SMOC2: variants seen among roughly 807,000 people sequenced by gnomAD.
The protein encoded by SMOC2 is SPARC-related modular calcium-binding protein 2.
In SMOC2, 39 loss-of-function variants were observed where a neutral mutation model predicts 61.4. The ratio of observed to expected loss-of-function variants is 0.64; its 90% confidence interval spans 0.49 to 0.83. SMOC2 has a LOEUF of 0.83. Ranked by LOEUF, SMOC2 falls within the 40% of genes least tolerant of loss-of-function variation. The pLI, the probability that SMOC2 is intolerant of heterozygous loss-of-function variation, is 0.00. For synonymous variants in SMOC2, 247 were observed against 239.9 expected (o/e 1.03, Z -0.27); for missense variants, 556 against 592.9 (o/e 0.94, Z 0.65).
chr6:168,519,238 T>C (rs1783265227), intron 2 of SMOC2, among the ~76,000 whole-genome samples: 1 of 151,956 alleles, frequency 6.6e-6, no homozygotes, highest in Non-Finnish European at 1.5e-5. Flanking sequence ...TATACGTGCA[T>C]GTTTGTGTGT....
At chr6:168,559,821 C>G (rs910502096) in intron 7 of SMOC2, among the ~76,000 whole-genome samples, 2 of 152,220 alleles carry the variant, frequency 1.3e-5, no homozygotes, top group Non-Finnish European at 1.5e-5. Flanking sequence ...GTCCATCCTC[C>G]TTTGTGAAAG....
intron 9 of SMOC2, among the ~76,000 whole-genome samples, chr6:168,612,107 T>A (rs1785887761): frequency 6.6e-6 from 1 of 152,226 alleles, no homozygotes; most frequent in South Asian, 2.1e-4. Context: ...GCCATGTGGT[T>A]TTGCTTATCT....
At chr6:168,546,378 C>G (rs1268702352) in intron 5 of SMOC2, among the ~76,000 whole-genome samples, 2 of 152,006 alleles carry the variant, frequency 1.3e-5, no homozygotes, top group African/African-American at 4.8e-5. Flanking sequence ...ACCATCCTGC[C>G]AGGTCTCTGA....
At chr6:168,618,071 C>T (rs1786141361) in intron 9 of SMOC2, among the ~76,000 whole-genome samples, 1 of 152,236 alleles carries the variant, frequency 6.6e-6, no homozygotes, top group African/African-American at 2.4e-5. Context: ...TGTCCTATGG[C>T]GTGTTATTAG....
intron 1 of SMOC2, among the ~76,000 whole-genome samples, chr6:168,465,674 C>T (rs113314854): frequency 1.5e-4 from 23 of 149,814 alleles, no homozygotes; most frequent in East Asian, 5.9e-4. Context: ...CTGGATGAAG[C>T]GAGGTGCTGC....
chr6:168,442,307 C>G (rs903016056), intron 1 of SMOC2, among the ~76,000 whole-genome samples: 1 of 152,232 alleles, frequency 6.6e-6, no homozygotes, highest in Non-Finnish European at 1.5e-5. Flanking sequence ...AACTTCTATG[C>G]GACAGCCTTG....
chr6:168,457,775 A>T (rs1361753977), intron 1 of SMOC2, among the ~76,000 whole-genome samples: 1 of 152,006 alleles, frequency 6.6e-6, no homozygotes, highest in Non-Finnish European at 1.5e-5. Flanking sequence ...CAGCTCGGCG[A>T]AGGCCTGGAA....
At chr6:168,610,972 C>T (rs1487337993) in intron 9 of SMOC2, among the ~76,000 whole-genome samples, 1 of 118,074 alleles carries the variant, frequency 8.5e-6, no homozygotes, top group Non-Finnish European at 1.9e-5. Flanking sequence ...TTAAACCAGC[C>T]CTTCCTAAAC....
intron 9 of SMOC2, among the ~76,000 whole-genome samples, chr6:168,641,415 G>A (rs1290646637): frequency 6.6e-6 from 1 of 152,102 alleles, no homozygotes; most frequent in Non-Finnish European, 1.5e-5. Flanking sequence ...CTCCTTGAGG[G>A]CAAAATTGGT....
At chr6:168,514,838 A>C (rs1783093502) in intron 2 of SMOC2, among the ~76,000 whole-genome samples, 2 of 152,156 alleles carry the variant, frequency 1.3e-5, no homozygotes, top group Admixed American at 1.3e-4. Context: ...GTAGCCTTTG[A>C]GGATGAGCAT....
intron 9 of SMOC2, among the ~76,000 whole-genome samples, chr6:168,615,010 CAT>C (rs2115219245): frequency 4.3e-5 from 2 of 46,152 alleles, no homozygotes; most frequent in Non-Finnish European, 8.9e-5. Context: ...AGGGCCTCTT[CAT>C]ACCTACAGCC....
At chr6:168,458,957 C>T (rs1430136870) in intron 1 of SMOC2, among the ~76,000 whole-genome samples, 15 of 152,226 alleles carry the variant, frequency 9.9e-5, no homozygotes, top group Admixed American at 9.2e-4. Context: ...ACATTAAGTA[C>T]TCCCTCTGTT....
At chr6:168,597,791 C>T (rs1785369497) in intron 7 of SMOC2, among the ~76,000 whole-genome samples, 1 of 152,240 alleles carries the variant, frequency 6.6e-6, no homozygotes, top group African/African-American at 2.4e-5. Context: ...CAGCCAACAA[C>T]AGGTCACATG....
intron 10 of SMOC2, 77 bp downstream of exon 10, chr6:168,650,860 C>T: frequency 1.5e-6 from 2 of 1,323,662 alleles, no homozygotes; most frequent in Non-Finnish European, 2.1e-6. Context: ...CTGAACATTA[C>T]ATATTGGCAA....
intron 2 of SMOC2, among the ~76,000 whole-genome samples, chr6:168,517,944 G>T (rs1314069747): frequency 6.6e-6 from 1 of 152,256 alleles, no homozygotes; most frequent in Non-Finnish European, 1.5e-5. Flanking sequence ...GGGCCGGGGG[G>T]CTCTGTCCTC....
At chr6:168,555,798 T>G (rs1183529443) in intron 7 of SMOC2, among the ~76,000 whole-genome samples, 1 of 152,124 alleles carries the variant, frequency 6.6e-6, no homozygotes, top group East Asian at 1.9e-4. Context: ...CCGTCGAGCT[T>G]GATCCTCTAC....
intron 1 of SMOC2, among the ~76,000 whole-genome samples, chr6:168,448,491 G>C (rs1781383538): frequency 6.6e-6 from 1 of 150,620 alleles, no homozygotes; most frequent in Admixed American, 6.6e-5. Flanking sequence ...GGGATGAGGA[G>C]GAGGACGGGG....
At chr6:168,467,709 A>T (rs958962521) in intron 1 of SMOC2, among the ~76,000 whole-genome samples, 5 of 152,168 alleles carry the variant, frequency 3.3e-5, no homozygotes, top group Admixed American at 3.3e-4. Flanking sequence ...CCCCCTAAAA[A>T]TTACATTTTT....
chr6:168,523,689 G>T (rs1454880093), intron 2 of SMOC2, among the ~76,000 whole-genome samples: 8 of 152,034 alleles, frequency 5.3e-5, no homozygotes, highest in African/African-American at 1.9e-4. Context: ...ATCAACCTCC[G>T]CACCTGGCCG....
Sources: allele counts gnomAD v4.1 joint callset (sites outside exome capture counted in the v4.1 genomes callset), GRCh38; gene constraint gnomAD v4.1.1; transcripts MANE v1.5; gene names NCBI Gene and HGNC (gene_info 2026-07-23, HGNC 2026-07-21).